DNMT1: variants seen among roughly 807,000 people sequenced by gnomAD.
DNMT1 encodes DNA (cytosine-5)-methyltransferase 1.
Under a neutral mutation model 205.3 loss-of-function variants are expected in DNMT1, and 24 were observed. That is an observed-to-expected ratio of 0.12 (90% CI 0.08 to 0.16). The LOEUF (loss-of-function observed/expected upper bound fraction) is 0.16, where lower values mean the gene tolerates loss of function less well. DNMT1 is among the 10% of genes least tolerant of loss of function. DNMT1 has a pLI of 1.00. For synonymous variants in DNMT1, 817 were observed against 839.8 expected, an observed-to-expected ratio of 0.97 and a Z score of 0.47; for missense variants, 1,293 against 2,177.7, an observed-to-expected ratio of 0.59 and a Z score of 8.09.
intron 38 of DNMT1, 128 bp from the exon 39 acceptor site, chr19:10,135,980 C>A: frequency 1.3e-6 from 2 of 1,485,028 alleles, no homozygotes; most frequent in Non-Finnish European, 1.8e-6. Context: ...GTCCCGTGGA[C>A]GTGGAGGGGC....
At chr19:10,142,328 C>G in intron 29 of DNMT1, 108 bp from the exon 30 acceptor site, 4 of 1,507,992 alleles carry the variant, frequency 2.7e-6, no homozygotes, top group Middle Eastern at 3.6e-4. Flanking sequence ...GGTAAAGACC[C>G]CCTAGTTCGA....
chr19:10,187,153 A>C (rs919621754), intron 1 of DNMT1, among the ~76,000 whole-genome samples: 5 of 151,970 alleles, frequency 3.3e-5, no homozygotes, highest in Non-Finnish European at 7.4e-5. Flanking sequence ...CATAGTTAAC[A>C]AACACCAAAG....
At chr19:10,185,124 T>C (rs933544129) in intron 1 of DNMT1, among the ~76,000 whole-genome samples, 6 of 152,106 alleles carry the variant, frequency 3.9e-5, no homozygotes, top group Non-Finnish European at 8.8e-5. Flanking sequence ...GCTGTGTGGT[T>C]AGGAAAGACC....
chr19:10,171,616 T>C (rs1339591150), intron 9 of DNMT1, among the ~76,000 whole-genome samples: 15 of 152,002 alleles, frequency 9.9e-5, no homozygotes, highest in African/African-American at 3.4e-4. Context: ...CCATCCTGGC[T>C]AACGTGGTGA....
chr19:10,175,443 C>G (rs2038921080), intron 7 of DNMT1, 97 bp downstream of exon 7: 3 of 1,443,226 alleles, frequency 2.1e-6, no homozygotes, highest in South Asian at 2.3e-5. Context: ...GAGCCCTAGA[C>G]AGGGTTTTTA....
At chr19:10,173,972 A>C in intron 7 of DNMT1, 67 bp from the exon 8 acceptor site, 3 of 1,477,748 alleles carry the variant, frequency 2.0e-6, no homozygotes, top group Non-Finnish European at 2.8e-6. Flanking sequence ...CAACACCAAA[A>C]GTGTGAGTTG....
chr19:10,147,374 C>A (rs759385211), intron 27 of DNMT1, among the ~76,000 whole-genome samples: 4 of 151,710 alleles, frequency 2.6e-5, no homozygotes, highest in Non-Finnish European at 4.4e-5. Context: ...ACTTTAGGAG[C>A]CTGAAGGGAG....
At chr19:10,141,617 C>A (rs527786148) in intron 30 of DNMT1, 2 of 342,972 alleles carry the variant, frequency 5.8e-6, no homozygotes, top group South Asian at 2.7e-5. Flanking sequence ...GCCACCCGCA[C>A]AGGCATGTGG....
At chr19:10,145,147 A>C (rs1032851681) in intron 28 of DNMT1, among the ~76,000 whole-genome samples, 2 of 152,222 alleles carry the variant, frequency 1.3e-5, no homozygotes, top group Admixed American at 1.3e-4. Context: ...TGGTCTGACT[A>C]GTGTGGAAAA....
In DNMT1 at chr19:10,151,497, A is replaced by G. The variant is rs2145298966; in HGVS notation, c.2166T>C (p.Asp722=). The G allele has an allele frequency of 1.4e-5, 23 of 1,614,096 alleles. No individual in the cohort carries two copies. The highest frequency in any genetic ancestry group is 1.8e-5 in the Non-Finnish European group (21 of 1,180,040). Residue 722 remains aspartate (D), a synonymous_variant, in exon 24 of 41, where the codon GAT becomes GAC. Coordinates refer to ENST00000359526, the MANE Select transcript of DNMT1 (RefSeq NM_001130823.3). The surrounding 1 kb of genome is among the most constrained non-coding windows in gnomAD (Gnocchi z 5.0). ...GTGACGGCATCTCTGGGATGTTATC[A>G]TCGACTTCCTCATCGTCATCTGCCT... ...MKEADDDEEV[D]DNIPEMPSPK...
chr19:10,154,403 T>C lies in DNMT1; in HGVS notation c.1909A>G (p.Thr637Ala). 6.2e-7 allele frequency: 1 copy of C among 1,614,222 alleles called. No homozygotes were observed. Among genetic ancestry groups the C allele is most frequent in the Non-Finnish European group, 8.5e-7 (1 of 1,180,044 alleles). ...TCGAAGATCTGGTAGACCAGCTTGG[T>C]GGTGGTGGCTTTCGTGGGTCCCCTG... ...KDRGPTKATT[T>A]KLVYQIFDTF... The change falls in exon 22 of 41, where the codon ACC becomes GCC. Residue 637 changes from threonine (T) to alanine (A), a missense_variant. By Grantham distance (58) the Thr-to-Ala change is moderately conservative (BLOSUM62 0). This residue lies in a region of DNMT1 where 197 missense variants were observed against 353.6 expected (regional missense o/e 0.56). Transcript: ENST00000359526. The surrounding 1 kb of genome is among the most constrained non-coding windows in gnomAD (Gnocchi z 6.3).
At chr19:10,189,892 A>C (rs1014947671) in intron 1 of DNMT1, among the ~76,000 whole-genome samples, 2 of 152,046 alleles carry the variant, frequency 1.3e-5, no homozygotes, top group Non-Finnish European at 2.9e-5. Context: ...TGCTCTCAAC[A>C]TATCTGTACT....
chr19:10,140,736 T>C lies in DNMT1; in HGVS notation c.3523+45A>G. 6.2e-7 allele frequency: 1 copy of C among 1,613,784 alleles called. No homozygotes were observed. Among genetic ancestry groups the C allele is most frequent in the African/African-American group, 1.3e-5 (1 of 75,048 alleles). On this transcript the variant is annotated intron_variant, in intron 32 of 40. Coordinates refer to ENST00000359526, the MANE Select transcript of DNMT1 (RefSeq NM_001130823.3). This position sits in a 1 kb window ranked among gnomAD's most constrained non-coding sequence, Gnocchi z 8.4. ...GTCGTTTCAGGTAGCACCTGCCCGG[T>C]CTGGGCTCACCAGGTATTCAGAGAT...
rs369549819 is a variant in DNMT1, at chr19:10,139,655, C to T, written c.3948+21G>A. On this transcript the variant is annotated intron_variant, in intron 34 of 40. Coordinates refer to ENST00000359526, the MANE Select transcript of DNMT1 (RefSeq NM_001130823.3). Reference sequence around the variant, plus strand: ...CACGTGCTGGCCACATCTGTCTGCCCGCCCCAGCCCCAGGGCCCACCTGCA... The same window carrying T: ...CACGTGCTGGCCACATCTGTCTGCCTGCCCCAGCCCCAGGGCCCACCTGCA... The T allele has an allele frequency of 5.0e-5, 80 of 1,609,494 alleles. No homozygotes were observed. In the African/African-American group the frequency reaches 7.7e-4, roughly 16 times the overall value.
chr19:10,135,986 G>C, intron 38 of DNMT1, 134 bp from the exon 39 acceptor site: 1 of 1,492,084 alleles, frequency 6.7e-7, no homozygotes, highest in Non-Finnish European at 9.0e-7. Flanking sequence ...TGGACGTGGA[G>C]GGGCAGGAGG....
At chr19:10,191,220 G>A (rs1300315895) in intron 1 of DNMT1, among the ~76,000 whole-genome samples, 1 of 151,574 alleles carries the variant, frequency 6.6e-6, no homozygotes, top group Non-Finnish European at 1.5e-5. Flanking sequence ...AGCGGAGGCT[G>A]CAGTGAGCTG....
At chr19:10,134,821 G>T (rs954376168) in intron 39 of DNMT1, among the ~76,000 whole-genome samples, 2 of 147,136 alleles carry the variant, frequency 1.4e-5, no homozygotes, top group African/African-American at 5.1e-5. Context: ...TCATGTCACT[G>T]CACTCCAGCC....
chr19:10,186,291 T>TGGCCCCAGAGTGGCAGGTGG (rs1190401698), intron 1 of DNMT1, among the ~76,000 whole-genome samples: 1 of 152,162 alleles, frequency 6.6e-6, no homozygotes, highest in Middle Eastern at 3.2e-3. Context: ...TTAACCTGCC[T>TGGCCCCAGAGTGGCAGGTGG]GGCCCCAGAG....
chr19:10,180,676 A>G, intron 3 of DNMT1, 102 bp downstream of exon 3: 3 of 1,465,388 alleles, frequency 2.0e-6, no homozygotes, highest in Non-Finnish European at 2.9e-6. Context: ...CATCATCATC[A>G]GGCAATGAGG....
Sources: gnomAD v4.1 joint callset for allele counts (sites outside exome capture counted in the v4.1 genomes callset) on GRCh38, gnomAD v4.1.1 for gene constraint, gnomAD v4.1.1 regional missense constraint, Gnocchi (gnomAD v3.1) non-coding constraint, MANE v1.5 for transcripts, NCBI Gene and HGNC (gene_info 2026-07-23, HGNC 2026-07-21) for gene names.